SLC24A2: variants seen among roughly 807,000 people sequenced by gnomAD.
The protein encoded by SLC24A2 is solute carrier family 24 member 2.
Under a neutral mutation model 62.0 loss-of-function variants are expected in SLC24A2, and 36 were observed. That is an observed-to-expected ratio of 0.58 (90% CI 0.44 to 0.77). The LOEUF (loss-of-function observed/expected upper bound fraction) is 0.77, where lower values mean the gene tolerates loss of function less well. Among genes scored for constraint, SLC24A2 ranks in the 30% least tolerant of loss-of-function variants. The pLI is 0.00. For missense variants in SLC24A2, 846 were observed against 817.9 expected (o/e 1.03, Z -0.42); for synonymous variants, 358 against 294.0 (o/e 1.22, Z -2.23).
intron 5 of SLC24A2, among the ~76,000 whole-genome samples, chr9:19,596,555 A>G (rs777027459): frequency 5.3e-5 from 8 of 152,218 alleles, no homozygotes; most frequent in Non-Finnish European, 1.2e-4. Context: ...GTTCTGGGAC[A>G]GTGCCTGGAA....
intron 4 of SLC24A2, among the ~76,000 whole-genome samples, chr9:19,618,855 A>T (rs1332811569): frequency 1.3e-5 from 2 of 152,322 alleles, no homozygotes; most frequent in East Asian, 3.9e-4. Context: ...TATTTATTTG[A>T]CACATCCGAT....
chr9:19,819,247 T>A, the SLC24A2 span, among the ~76,000 whole-genome samples: 1 of 152,172 alleles, frequency 6.6e-6, no homozygotes, highest in African/African-American at 2.4e-5. Flanking sequence ...ATAAAAATTC[T>A]AGAAGATAAC....
rs199864320 is a variant in SLC24A2 at position 19,511,476 on chromosome 9, T to C, written c.*4677A>G. The C allele has an allele frequency of 4.6e-5, 7 of 152,322 alleles. No homozygotes were observed. In the East Asian group the frequency reaches 1.3e-3, roughly 29 times the overall value. 9.4% of individuals were successfully genotyped at this position (152,322 alleles called of 1,614,324 possible). On this transcript the variant is annotated 3_prime_UTR_variant, in exon 11 of 11. Coordinates refer to ENST00000341998, the MANE Select transcript of SLC24A2 (RefSeq NM_020344.4). ...TGTTTTAAACTACATAGGGATATAT[T>C]TCCACGTGACACTTGTTTTCTTGGA...
At chr9:19,704,642 G>A (rs910571526) in intron 2 of SLC24A2, among the ~76,000 whole-genome samples, 1 of 152,078 alleles carries the variant, frequency 6.6e-6, no homozygotes, top group Non-Finnish European at 1.5e-5. Context: ...TGAACTGGAA[G>A]AAAACAACTC....
chr9:20,175,061 G>C, the SLC24A2 span, among the ~76,000 whole-genome samples: 13 of 151,130 alleles, frequency 8.6e-5, no homozygotes, highest in South Asian at 2.3e-3. Context: ...GCCATAAAAA[G>C]GAATGAATTA....
chr9:19,900,697 G>C, the SLC24A2 span, among the ~76,000 whole-genome samples: 1 of 152,166 alleles, frequency 6.6e-6, no homozygotes, highest in African/African-American at 2.4e-5. Context: ...AGAAATGCAA[G>C]CAATTCTTAC....
the SLC24A2 span, among the ~76,000 whole-genome samples, chr9:20,285,851 A>G: frequency 6.6e-6 from 1 of 152,190 alleles, no homozygotes; most frequent in African/African-American, 2.4e-5. Context: ...GCACAGAGGG[A>G]AGTCCATTTG....
chr9:19,669,934 G>A (rs940269104), intron 2 of SLC24A2, among the ~76,000 whole-genome samples: 2 of 152,216 alleles, frequency 1.3e-5, no homozygotes, highest in Non-Finnish European at 2.9e-5. Context: ...CTACCACAGT[G>A]CCCCCACATT....
the SLC24A2 span, among the ~76,000 whole-genome samples, chr9:19,894,793 A>G: frequency 1.3e-5 from 2 of 152,190 alleles, no homozygotes; most frequent in African/African-American, 2.4e-5. Flanking sequence ...TGATACCACA[A>G]TCATGAATTT....
the SLC24A2 span, among the ~76,000 whole-genome samples, chr9:20,041,272 G>C: frequency 6.6e-6 from 1 of 152,204 alleles, no homozygotes; most frequent in Non-Finnish European, 1.5e-5. Context: ...TTTCATTCCA[G>C]TGTAATCTAT....
the SLC24A2 span, among the ~76,000 whole-genome samples, chr9:19,873,536 C>CTCTT: frequency 1.6e-3 from 222 of 137,126 alleles, no homozygotes; most frequent in African/African-American, 4.8e-3. Context: ...TCCTTTCTTT[C>CTCTT]TCTTTCTTTC....
chr9:20,126,421 C>T, the SLC24A2 span, among the ~76,000 whole-genome samples: 1 of 151,956 alleles, frequency 6.6e-6, no homozygotes, highest in East Asian at 1.9e-4. Context: ...TGCCCTTAAG[C>T]TTCCTGCTTC....
the SLC24A2 span, among the ~76,000 whole-genome samples, chr9:19,823,629 AAAAAC>A: frequency 0.79 from 118,571 of 150,210 alleles, 49,815 homozygotes; most frequent in Non-Finnish European, 0.94. Context: ...CTCAGTCTCA[AAAAAC>A]AAAACAAAAC....
the SLC24A2 span, among the ~76,000 whole-genome samples, chr9:20,166,225 A>T: frequency 2.0e-5 from 3 of 151,966 alleles, no homozygotes; most frequent in Non-Finnish European, 4.4e-5. Context: ...GCAATATCCA[A>T]CAAAATTACT....
chr9:19,648,112 G>A (rs756639948), intron 2 of SLC24A2, among the ~76,000 whole-genome samples: 1 of 152,144 alleles, frequency 6.6e-6, no homozygotes, highest in Non-Finnish European at 1.5e-5. Flanking sequence ...ACTATAGTAG[G>A]CAGTGGGCAA....
the SLC24A2 span, among the ~76,000 whole-genome samples, chr9:20,014,144 G>GATCT: frequency 6.6e-6 from 1 of 152,098 alleles, no homozygotes; most frequent in Non-Finnish European, 1.5e-5. Context: ...GGAGGTCAAG[G>GATCT]CTGCAGTGAG....
At chr9:19,879,432 A>G in the SLC24A2 span, among the ~76,000 whole-genome samples, 2 of 152,228 alleles carry the variant, frequency 1.3e-5, no homozygotes, top group African/African-American at 4.8e-5. Context: ...AGCATCATAT[A>G]AATACCTGGT....
At chr9:20,235,166 G>T in the SLC24A2 span, among the ~76,000 whole-genome samples, 58 of 152,278 alleles carry the variant, frequency 3.8e-4, no homozygotes, top group African/African-American at 1.4e-3. Flanking sequence ...TAGGCTACTC[G>T]GGGGTCAGGG....
chr9:20,268,951 A>C, the SLC24A2 span, among the ~76,000 whole-genome samples: 1 of 152,200 alleles, frequency 6.6e-6, no homozygotes, highest in Non-Finnish European at 1.5e-5. Context: ...CAGCCAGCTA[A>C]CAAGAGTTGA....
Sources: gnomAD v4.1 joint callset for allele counts (sites outside exome capture counted in the v4.1 genomes callset) on GRCh38, gnomAD v4.1.1 for gene constraint, MANE v1.5 for transcripts, NCBI Gene and HGNC (gene_info 2026-07-23, HGNC 2026-07-21) for gene names.